CSMD1: variants seen among roughly 807,000 people sequenced by gnomAD.
The protein encoded by CSMD1 is CUB and Sushi multiple domains 1.
CSMD1 carries 213 observed loss-of-function variants against 417.5 expected under a neutral mutation model. The observed-to-expected ratio is 0.51, with a 90% CI of 0.46 to 0.57. The LOEUF (loss-of-function observed/expected upper bound fraction) is 0.57, where lower values mean the gene tolerates loss of function less well. CSMD1 is among the 20% of genes least tolerant of loss of function. The pLI is 0.00. For missense variants in CSMD1, 6,923 were observed against 4,529.7 expected (o/e 1.53, Z -15.17); for synonymous variants, 2,862 against 1,736.8 (o/e 1.65, Z -16.11).
Position 4,477,922 on chromosome 8 carries a change from T to G in CSMD1, c.303-57857A>C, listed in dbSNP as rs974954957. Among the ~76,000 whole-genome samples the G allele has an allele frequency of 3.3e-5, 5 of 152,334 alleles. No individual in the cohort carries two copies. The South Asian group carries it at 1.0e-3, about 32-fold the overall frequency. Reference sequence around the variant, plus strand: ...GCAAAACCTGATACCTGATCAATTTTTGCCTGGCGCATGATAGCTATGCAA... The same window carrying G: ...GCAAAACCTGATACCTGATCAATTTGTGCCTGGCGCATGATAGCTATGCAA... On this transcript the variant is annotated intron_variant, in intron 2 of 69. Transcript: ENST00000635120.
chr8:3,048,350 G>A (rs1012245988), intron 50 of CSMD1, among the ~76,000 whole-genome samples: 4 of 152,094 alleles, frequency 2.6e-5, no homozygotes, highest in Non-Finnish European at 5.9e-5. Flanking sequence ...ATAAAACGGA[G>A]GTAAGAAGAC....
intron 1 of CSMD1, among the ~76,000 whole-genome samples, chr8:4,910,747 T>A (rs1355743409): frequency 6.6e-6 from 1 of 152,182 alleles, no homozygotes; most frequent in African/African-American, 2.4e-5. Context: ...AGCACATAAT[T>A]ATATATTGTC....
intron 10 of CSMD1, among the ~76,000 whole-genome samples, chr8:3,500,903 G>C (rs545122661): frequency 1.3e-4 from 20 of 152,262 alleles, no homozygotes; most frequent in African/African-American, 4.6e-4. Context: ...GTAAGAATGT[G>C]TCAGAGAGGA....
At chr8:3,058,631 C>G (rs757426500) in intron 49 of CSMD1, among the ~76,000 whole-genome samples, 9 of 152,108 alleles carry the variant, frequency 5.9e-5, no homozygotes, top group Non-Finnish European at 1.0e-4. Flanking sequence ...CATTAATGTG[C>G]TCCTTATCCC....
Position 4,994,475 on chromosome 8 carries a change from A to T in CSMD1, c.-59T>A. 1 of 1,483,226 alleles carries T rather than the reference A, an allele frequency of 6.7e-7. No individual in the cohort carries two copies. The allele number at this position is 1,483,226 out of a possible 1,614,324, so 91.9% of individuals were successfully genotyped here. Reference sequence around the variant, plus strand: ...TGGCTCCTCCGAGGAAGGCAGGGCTATGAGCGGAGCCAAATAATCACCCGA... The same window carrying T: ...TGGCTCCTCCGAGGAAGGCAGGGCTTTGAGCGGAGCCAAATAATCACCCGA... On this transcript the variant is annotated 5_prime_UTR_variant, in exon 1 of 70. An upstream open reading frame in the 5' UTR loses its in-frame stop. Transcript: ENST00000635120.
chr8:3,773,279 T>G (rs537781287), intron 5 of CSMD1, among the ~76,000 whole-genome samples: 32 of 152,240 alleles, frequency 2.1e-4, no homozygotes, highest in Admixed American at 1.9e-3. Flanking sequence ...TTTGGGGATA[T>G]AATAGGTTTG....
At chr8:3,193,087 C>T (rs528233604) in intron 33 of CSMD1, among the ~76,000 whole-genome samples, 1 of 152,106 alleles carries the variant, frequency 6.6e-6, no homozygotes, top group East Asian at 1.9e-4. Flanking sequence ...TAAGAGGCTT[C>T]AGGTATTGCA....
At chr8:3,829,994 T>C (rs1802282385) in intron 5 of CSMD1, among the ~76,000 whole-genome samples, 1 of 152,318 alleles carries the variant, frequency 6.6e-6, no homozygotes, top group East Asian at 1.9e-4. Context: ...TATACATTTG[T>C]TTTCCTTTGT....
intron 18 of CSMD1, chr8:3,375,168 A>G (rs1467690568): frequency 6.6e-6 from 1 of 151,942 alleles, no homozygotes; most frequent in Non-Finnish European, 1.5e-5. Context: ...TGAACTTCCA[A>G]CTGCTTGCCA....
At chr8:4,556,772 C>T (rs1043909151) in intron 2 of CSMD1, among the ~76,000 whole-genome samples, 2 of 152,136 alleles carry the variant, frequency 1.3e-5, no homozygotes, top group Non-Finnish European at 2.9e-5. Context: ...CAAAATGATC[C>T]AAAACACCCA....
intron 1 of CSMD1, among the ~76,000 whole-genome samples, chr8:4,825,785 C>A (rs553275699): frequency 2.4e-4 from 31 of 130,760 alleles, no homozygotes; most frequent in South Asian, 2.4e-4. Context: ...AAATCAAATG[C>A]AAAAAAAAAA....
At chr8:4,146,996 T>C (rs1486220617) in intron 3 of CSMD1, among the ~76,000 whole-genome samples, 2 of 151,868 alleles carry the variant, frequency 1.3e-5, no homozygotes, top group Admixed American at 1.3e-4. Context: ...GCACTTCCTG[T>C]CCATCCACTC....
At chr8:4,388,100 T>C (rs1312781182) in intron 3 of CSMD1, among the ~76,000 whole-genome samples, 2 of 152,182 alleles carry the variant, frequency 1.3e-5, no homozygotes, top group Non-Finnish European at 2.9e-5. Flanking sequence ...GGACTAAAGA[T>C]ACAGCTGTCT....
In CSMD1 at chr8:3,096,469, T is replaced by C. The variant is rs77440848; in HGVS notation, c.7138+380A>G. On this transcript the variant is annotated intron_variant, in intron 47 of 69. Transcript: ENST00000635120. ...CTCATGTGCGTGCACCCACTCTTTC[T>C]CTCTCTCTGTCTCTCATGCCTGCCG... is the stretch of plus-strand genomic sequence containing the variant. Among the ~76,000 whole-genome samples the C allele has an allele frequency of 9.9e-3, 1,501 of 152,188 alleles. 27 individuals carry two copies. The highest frequency in any genetic ancestry group is 0.035 in the African/African-American group (1,439 of 41,526).
chr8:4,479,068 G>A (rs986473155), intron 2 of CSMD1, among the ~76,000 whole-genome samples: 1 of 152,022 alleles, frequency 6.6e-6, no homozygotes, highest in East Asian at 1.9e-4. Flanking sequence ...CTATTCAAAT[G>A]TTTACGTGTG....
At chr8:4,425,871 T>C (rs1797519690) in intron 2 of CSMD1, among the ~76,000 whole-genome samples, 1 of 152,130 alleles carries the variant, frequency 6.6e-6, no homozygotes, top group Non-Finnish European at 1.5e-5. Flanking sequence ...AAACTTTGAA[T>C]ATTTCAACAA....
At chr8:4,905,819 C>CAAAAAAAAAAAAAAA (rs147276107) in intron 1 of CSMD1, among the ~76,000 whole-genome samples, 7 of 94,310 alleles carry the variant, frequency 7.4e-5, no homozygotes, top group East Asian at 3.7e-4. Flanking sequence ...GACTCCATCT[C>CAAAAAAAAAAAAAAA]AAAAAAAAAA....
intron 1 of CSMD1, among the ~76,000 whole-genome samples, chr8:4,848,414 C>A (rs1318903249): frequency 6.6e-6 from 1 of 152,166 alleles, no homozygotes; most frequent in African/African-American, 2.4e-5. Context: ...CTAGTAATGG[C>A]CTATGGTCTT....
At chr8:3,112,477 C>A (rs1048135571) in intron 42 of CSMD1, among the ~76,000 whole-genome samples, 1 of 152,210 alleles carries the variant, frequency 6.6e-6, no homozygotes, top group African/African-American at 2.4e-5. Flanking sequence ...TGGTAGAACA[C>A]ATTCCTGATT....
Sources: allele counts gnomAD v4.1 joint callset (sites outside exome capture counted in the v4.1 genomes callset), GRCh38; gene constraint gnomAD v4.1.1; transcripts MANE v1.5; gene names NCBI Gene and HGNC (gene_info 2026-07-23, HGNC 2026-07-21).